Variants in ASH1L observed in about 807,000 individuals in gnomAD.
The protein encoded by ASH1L is histone-lysine N-methyltransferase ASH1L.
A neutral mutation model predicts 269.0 loss-of-function variants in ASH1L; 23 were observed. The observed-to-expected ratio is 0.09, with a 90% CI of 0.06 to 0.12. ASH1L has a LOEUF of 0.12. ASH1L is among the 10% of genes least tolerant of loss of function. ASH1L has a pLI of 1.00. For synonymous variants in ASH1L, 1,187 were observed against 1,253.5 expected (o/e 0.95, Z 1.12); for missense variants, 2,912 against 3,567.8 (o/e 0.82, Z 4.68).
intron 15 of ASH1L, 70 bp from the exon 16 acceptor site, chr1:155,354,700 T>C: frequency 2.8e-6 from 4 of 1,442,382 alleles, no homozygotes; most frequent in Admixed American, 2.1e-5. Flanking sequence ...GTCTACTCTA[T>C]GGAAGCCATT....
At chr1:155,466,034 AG>A (rs1200358890) in intron 3 of ASH1L, among the ~76,000 whole-genome samples, 1 of 152,196 alleles carries the variant, frequency 6.6e-6, no homozygotes, top group Non-Finnish European at 1.5e-5. Context: ...TATGACTCAG[AG>A]CCTGTTCTGG....
intron 24 of ASH1L, 138 bp from the exon 25 acceptor site, chr1:155,342,240 A>G (rs1652880549): frequency 1.4e-6 from 1 of 735,820 alleles, no homozygotes; most frequent in Non-Finnish European, 2.3e-6. Context: ...AGGCAGGACA[A>G]CTAAGCATTT....
Position 155,459,808 on chromosome 1 carries a change from G to A in ASH1L, c.5075C>T (p.Thr1692Ile), listed in dbSNP as rs756273158. 9.3e-6 allele frequency: 15 copies of A among 1,612,750 alleles called. No individual in the cohort carries two copies. Among genetic ancestry groups the A allele is most frequent in the Non-Finnish European group, 1.3e-5 (15 of 1,179,072 alleles). The stretch of plus-strand genomic sequence containing the variant: ...CAAATAGCACTAGCCTGTTGAAGAA[G>A]TACTCTCAGATGAAGACCTTTTCCG... ...PTRKRSSSES[T>I]SSTVNGVPSR... Residue 1692 changes from threonine to isoleucine, a missense_variant, in exon 4 of 28, where the codon ACT becomes ATT. Coordinates refer to ENST00000392403, the MANE Select transcript of ASH1L (RefSeq NM_018489.3).
intron 6 of ASH1L, among the ~76,000 whole-genome samples, chr1:155,400,163 C>T (rs1186850393): frequency 6.6e-6 from 1 of 151,790 alleles, no homozygotes; most frequent in African/African-American, 2.4e-5. Flanking sequence ...CTGGCTAACA[C>T]GGTGAAACCC....
chr1:155,499,335 C>A (rs1408289186), intron 2 of ASH1L, among the ~76,000 whole-genome samples: 1 of 152,128 alleles, frequency 6.6e-6, no homozygotes, highest in Non-Finnish European at 1.5e-5. Context: ...CTTTTTAACA[C>A]CTCTTTTATT....
chr1:155,391,384 A>T (rs1022055889), intron 7 of ASH1L, among the ~76,000 whole-genome samples: 2 of 152,180 alleles, frequency 1.3e-5, no homozygotes, highest in Non-Finnish European at 2.9e-5. Flanking sequence ...TGTTCATTTT[A>T]AAATTTTTAT....
chr1:155,357,437 G>C, intron 14 of ASH1L, 27 bp from the exon 15 acceptor site: 1 of 1,599,788 alleles, frequency 6.3e-7, no homozygotes, highest in Non-Finnish European at 8.6e-7. Flanking sequence ...TCAGATTAGA[G>C]ATTTAAAAAA....
At chr1:155,504,785 C>T (rs1667709982) in intron 2 of ASH1L, among the ~76,000 whole-genome samples, 1 of 149,648 alleles carries the variant, frequency 6.7e-6, no homozygotes, top group Non-Finnish European at 1.5e-5. Context: ...ACCCAGGAGG[C>T]AGAGGTTGCA....
At chr1:155,551,380 G>A (rs916950376) in intron 1 of ASH1L, among the ~76,000 whole-genome samples, 1 of 152,100 alleles carries the variant, frequency 6.6e-6, no homozygotes, top group South Asian at 2.1e-4. Flanking sequence ...AGAATCTACG[G>A]CCGGGCGCAG....
chr1:155,363,552 C>T (rs1215993956), intron 12 of ASH1L, among the ~76,000 whole-genome samples: 1 of 152,072 alleles, frequency 6.6e-6, no homozygotes, highest in Non-Finnish European at 1.5e-5. Flanking sequence ...CTGCAGAAAG[C>T]ATTTTAAATG....
chr1:155,411,578 A>ATATAT (rs1558075462), intron 6 of ASH1L, among the ~76,000 whole-genome samples: 3 of 21,128 alleles, frequency 1.4e-4, no homozygotes, highest in African/African-American at 3.9e-4. Context: ...AATATAAATA[A>ATATAT]ATAAATAAAT....
At chr1:155,492,229 G>A (rs1310734884) in intron 2 of ASH1L, among the ~76,000 whole-genome samples, 1 of 151,320 alleles carries the variant, frequency 6.6e-6, no homozygotes, top group African/African-American at 2.4e-5. Context: ...TGTATTTTTG[G>A]TAGAGACAGG....
chr1:155,556,403 TG>T (rs1043166583), intron 1 of ASH1L, among the ~76,000 whole-genome samples: 1 of 12,990 alleles, frequency 7.7e-5, no homozygotes, highest in Admixed American at 4.1e-3. Flanking sequence ...TATATATACG[TG>T]TGTGTGTGTG....
intron 5 of ASH1L, among the ~76,000 whole-genome samples, chr1:155,418,110 A>G (rs1342977795): frequency 2.0e-5 from 3 of 152,204 alleles, no homozygotes; most frequent in African/African-American, 4.8e-5. Context: ...CGACATCACA[A>G]TGTCTTGCAT....
At chr1:155,405,337 C>T (rs968882636) in intron 6 of ASH1L, among the ~76,000 whole-genome samples, 1 of 151,386 alleles carries the variant, frequency 6.6e-6, no homozygotes, top group Non-Finnish European at 1.5e-5. Flanking sequence ...TAAAAATTAG[C>T]CAGGTGTGTT....
chr1:155,350,574 T>C (rs1257889221), intron 17 of ASH1L, among the ~76,000 whole-genome samples: 1 of 152,134 alleles, frequency 6.6e-6, no homozygotes, highest in Admixed American at 6.6e-5. Flanking sequence ...AAAAAGAATA[T>C]CTTATCCAAA....
chr1:155,401,493 AAAG>A (rs1658845090), intron 6 of ASH1L, among the ~76,000 whole-genome samples: 1 of 149,538 alleles, frequency 6.7e-6, no homozygotes, highest in Non-Finnish European at 1.5e-5. Context: ...AAAAAAAAAA[AAAG>A]ATTGGTAGGG....
At chr1:155,484,928 CA>C (rs761331437) in intron 2 of ASH1L, among the ~76,000 whole-genome samples, 2,109 of 82,786 alleles carry the variant, frequency 0.025, 36 homozygotes, top group African/African-American at 0.053. Context: ...TGCTCTGTCT[CA>C]AAAAAAAAAA....
At chr1:155,414,458 T>C (rs1660047074) in intron 6 of ASH1L, among the ~76,000 whole-genome samples, 1 of 152,070 alleles carries the variant, frequency 6.6e-6, no homozygotes, top group African/African-American at 2.4e-5. Flanking sequence ...TACAGGCATG[T>C]GCCACCACAC....
Sources: gnomAD v4.1 joint callset for allele counts (sites outside exome capture counted in the v4.1 genomes callset) on GRCh38, gnomAD v4.1.1 for gene constraint, MANE v1.5 for transcripts, NCBI Gene and HGNC (gene_info 2026-07-23, HGNC 2026-07-21) for gene names.